The following TTN variants were observed in gnomAD, a reference collection of about 807,000 sequenced individuals.
The protein encoded by TTN is titin, also known as connectin.
Under a neutral mutation model 3,223.0 loss-of-function variants are expected in TTN, and 1,525 were observed. That is an observed-to-expected ratio of 0.47 (90% confidence interval 0.45 to 0.49). TTN has a LOEUF of 0.49. Among genes scored for constraint, TTN ranks in the 20% least tolerant of loss-of-function variants. The pLI, the probability that TTN is intolerant of heterozygous loss-of-function variation, is 0.00. For synonymous variants in TTN, 14,094 were observed against 15,161.0 expected (o/e 0.93, Z 5.17); for missense variants, 40,786 against 43,424.0 (o/e 0.94, Z 5.40).
Position 178,583,893 on chromosome 2 carries a change from T to C in TTN, c.65289A>G (p.Lys21763=), listed in dbSNP as rs1455504061. 2 of 1,579,794 alleles carry C rather than the reference T, an allele frequency of 1.3e-6. No homozygotes were observed. The highest frequency in any genetic ancestry group is 1.7e-6 in the Non-Finnish European group (2 of 1,159,250). Residue 21763 remains lysine (K), a synonymous_variant, in exon 312 of 363, where the codon AAA becomes AAG. Coordinates refer to ENST00000589042, the MANE Select transcript of TTN (RefSeq NM_001267550.2). ...TCTTGGTGACATCAATAACCTCAGG[T>C]TTCCCAGGAGGATCTAAAACAAAAA... ...TARMPVDPPG[K]PEVIDVTKST... is the part of the protein sequence containing the mutation.
chr2:178,563,566 T>A lies in TTN; in HGVS notation c.82566A>T (p.Lys27522Asn). 2 of 1,613,846 alleles carry A rather than the reference T, an allele frequency of 1.2e-6. No individual in the cohort carries two copies. Among genetic ancestry groups the A allele is most frequent in the Non-Finnish European group, 1.7e-6 (2 of 1,179,786 alleles). ...EGVRWTKCNKKTLTDLRLRVT... is the reference protein window; with the variant it reads ...EGVRWTKCNKNTLTDLRLRVT... ...CCCTGAGCCGCAGATCCGTTAATGT[T>A]TTCTTGTTGCACTTGGTCCATCTAA... The change falls in exon 326 of 363, where the codon AAA (lysine) becomes AAT (asparagine). Residue 27522 changes from lysine (K) to asparagine (N), a missense_variant. Coordinates refer to ENST00000589042, the MANE Select transcript of TTN (RefSeq NM_001267550.2). The surrounding 1 kb of genome is among the most constrained non-coding windows in gnomAD (Gnocchi z 4.5).
chr2:178,719,826 G>T lies in TTN; in HGVS notation c.23666C>A (p.Ala7889Glu). 3 of 1,603,174 alleles carry T rather than the reference G, an allele frequency of 1.9e-6. No homozygotes were observed. The highest frequency in any genetic ancestry group is 2.6e-6 in the Non-Finnish European group (3 of 1,173,780). ...GGGTTCGGGCTTCTCTATGATTCTT[G>T]CTGGTTCTAAAAGAAGAAGTATTTT... ...CSAVLTVLEP[A>E]RIIEKPEPMT... The change falls in exon 82 of 363, where the codon GCA becomes GAA. Residue 7889 changes from alanine to glutamate, a missense_variant. Coordinates refer to ENST00000589042, the MANE Select transcript of TTN (RefSeq NM_001267550.2).
At chr2:178,664,810 A>T in intron 166 of TTN, 42 bp downstream of exon 166, 1 of 1,609,948 alleles carries the variant, frequency 6.2e-7, no homozygotes, top group African/African-American at 1.3e-5. Context: ...TCTCAAAACT[A>T]CAAGAGCTAG....
chr2:178,688,255 G>A, intron 126 of TTN, 31 bp from the exon 127 acceptor site: 1 of 1,592,980 alleles, frequency 6.3e-7, no homozygotes, highest in African/African-American at 1.3e-5. Context: ...TTTAAATTCA[G>A]CCTGCTGAGA....
At position 178,569,780 on chromosome 2, in the gene TTN, T is replaced by C; in HGVS notation, c.76352A>G (p.Glu25451Gly). The C allele has an allele frequency of 6.2e-7, 1 of 1,613,298 alleles. No individual in the cohort carries two copies. Among genetic ancestry groups the C allele is most frequent in the Non-Finnish European group, 8.5e-7 (1 of 1,179,622 alleles). The change falls in exon 326 of 363, where the codon GAA becomes GGA. Residue 25451 changes from glutamate to glycine, a missense_variant. Transcript: ENST00000589042. ...IVEKCDVSVG[E>G]WTMCTPPTGI... ...TGTTGGTGGAGTGCACATTGTCCAT[T>C]CACCAACACTCACATCACATTTTTC... is the stretch of plus-strand genomic sequence containing the variant.
chr2:178,747,683 G>A (rs1190942809), intron 47 of TTN: 5 of 1,612,788 alleles, frequency 3.1e-6, no homozygotes, highest in African/African-American at 2.7e-5. Context: ...TAAATATTGT[G>A]TTAGGGAGGT....
At position 178,630,880 on chromosome 2, in the gene TTN, C is replaced by T. The variant is rs746380621; in HGVS notation, c.44078G>A (p.Arg14693His). Reference sequence around the variant, plus strand: ...ATCTTCAGAGATTTCGGTTTCAAAGCGTGCTGTCTCAGTCTCCATCACCTC... The same window carrying T: ...ATCTTCAGAGATTTCGGTTTCAAAGTGTGCTGTCTCAGTCTCCATCACCTC... The part of the protein sequence containing the change: ...SVEVMETETA[R>H]FETEISEDDI... The change falls in exon 238 of 363, where the codon CGC (arginine) becomes CAC (histidine). Residue 14693 changes from arginine to histidine, a missense_variant. Physicochemically the swap from Arg to His is conservative, Grantham distance 29. Transcript: ENST00000589042. The T allele has an allele frequency of 4.7e-5, 76 of 1,613,150 alleles. No homozygotes were observed. The highest frequency in any genetic ancestry group is 4.7e-4 in the East Asian group (21 of 44,756).
rs534091314 is a variant in TTN at position 178,646,610 on chromosome 2, A to G, written c.40223-51T>C. The G allele has an allele frequency of 3.9e-5, 43 of 1,091,712 alleles. No individual in the cohort carries two copies. In the African/African-American group the frequency reaches 5.6e-4, roughly 14 times the overall value. The allele number at this position is 1,091,712 out of a possible 1,614,324, so 67.6% of individuals were successfully genotyped here. ...TGAGGTTGCAATGTAAAGTTCTTCA[A>G]AAAGACTCATACAAATTTCACATTG... is the stretch of plus-strand genomic sequence containing the variant. On this transcript the variant is annotated intron_variant, in intron 215 of 362. Coordinates refer to ENST00000589042, the MANE Select transcript of TTN (RefSeq NM_001267550.2).
rs1335605022 is a variant in TTN, at chr2:178,717,505, G to T, written c.25351+18C>A. 7.6e-6 allele frequency: 12 copies of T among 1,585,028 alleles called. No homozygotes were observed. The highest frequency in any genetic ancestry group is 1.3e-5 in the African/African-American group (1 of 74,108). On this transcript the variant is annotated intron_variant, in intron 87 of 362. Transcript: ENST00000589042. The stretch of plus-strand genomic sequence containing the variant: ...GTGAAGCTGCTTTACAATGAAGAGG[G>T]TACTGTGAGTTACTCACCTGAGAGA...
rs201899491 is a variant in TTN, at chr2:178,749,159, G to A, written c.11311+3965C>T. On this transcript the variant is annotated intron_variant, in intron 47 of 362. Transcript: ENST00000589042. Reference sequence around the variant, plus strand: ...AATATTTGGTAAATAGTCACTTTGGGCACATTCTTGTACATTTTCCTTTTC... The same window carrying A: ...AATATTTGGTAAATAGTCACTTTGGACACATTCTTGTACATTTTCCTTTTC... 1.2e-6 allele frequency: 2 copies of A among 1,612,314 alleles called. No homozygotes were observed. The highest frequency in any genetic ancestry group is 1.1e-5 in the South Asian group (1 of 90,876).
At position 178,731,284 on chromosome 2, in the gene TTN, A is replaced by G. The variant is rs766498865; in HGVS notation, c.17461+21T>C. On this transcript the variant is annotated intron_variant, in intron 59 of 362. Transcript: ENST00000589042. ...CATCTGCATTTCTTCCTCAAACCCA[A>G]GGCAAACGTTCTGAACCAACCTTTT... is the stretch of plus-strand genomic sequence containing the variant. The G allele has an allele frequency of 1.9e-6, 3 of 1,612,194 alleles. No homozygotes were observed. The African/African-American group carries it at 4.0e-5, about 22-fold the overall frequency.
At chr2:178,637,187 A>ATCTATC (rs1356754460) in intron 224 of TTN, among the ~76,000 whole-genome samples, 182 bp downstream of exon 224, 24 of 125,304 alleles carry the variant, frequency 1.9e-4, no homozygotes, top group African/African-American at 6.1e-4. Flanking sequence ...ATATATATAT[A>ATCTATC]TATCTCCTTG....
In TTN at chr2:178,616,616, G is replaced by T; in HGVS notation, c.48175C>A (p.Pro16059Thr). The T allele has an allele frequency of 6.2e-7, 1 of 1,611,910 alleles. No homozygotes were observed. The highest frequency in any genetic ancestry group is 8.5e-7 in the Non-Finnish European group (1 of 1,178,906). Residue 16059 changes from proline to threonine, a missense_variant, in exon 257 of 363, where the codon CCC (proline) becomes ACC (threonine). Coordinates refer to ENST00000589042, the MANE Select transcript of TTN (RefSeq NM_001267550.2). ...ATATCACCAAATTTCAATTCTTTGG[G>T]TGCACTTGGGCGAGCTGAAAAAAAA... ...DVNVIARPSA[P>T]KELKFGDITK...
chr2:178,568,225 G>A lies in TTN; in HGVS notation c.77907C>T (p.Asn25969=), dbSNP rs375903820. The change falls in exon 326 of 363, where the codon AAC becomes AAT. Residue 25969 remains asparagine (N), a synonymous_variant. Coordinates refer to ENST00000589042, the MANE Select transcript of TTN (RefSeq NM_001267550.2). ...TEYQFRIFAE[N]RYGQSFALES... ...CTAAGGCAAAGCTTTGTCCATATCTGTTTTCGGCAAATATTCTAAATTGGT... is the reference window on the plus strand; with the variant it reads ...CTAAGGCAAAGCTTTGTCCATATCTATTTTCGGCAAATATTCTAAATTGGT... 49 of 1,613,322 alleles carry A rather than the reference G, an allele frequency of 3.0e-5. No homozygotes were observed. The Middle Eastern group carries it at 4.9e-4, about 16-fold the overall frequency.
In TTN at chr2:178,567,872, T is replaced by A. The variant is rs1462639599; in HGVS notation, c.78260A>T (p.Asp26087Val). The A allele has an allele frequency of 6.2e-7, 1 of 1,613,558 alleles. No homozygotes were observed. The highest frequency in any genetic ancestry group is 1.1e-5 in the South Asian group (1 of 91,080). ...SKNSECYVAR[D>V]PCDPPGTPEP... ...TGGGGTTCCTGGTGGGTCACAGGGATCTCTGGCTACATAGCATTCAGAATT... is the reference window on the plus strand; with the variant it reads ...TGGGGTTCCTGGTGGGTCACAGGGAACTCTGGCTACATAGCATTCAGAATT... The change falls in exon 326 of 363, where the codon GAT becomes GTT. Residue 26087 changes from aspartate to valine, a missense_variant. Transcript: ENST00000589042.
In TTN at chr2:178,546,467, C is replaced by T. The variant is rs1385680314; in HGVS notation, c.94864G>A (p.Gly31622Ser). The T allele has an allele frequency of 1.9e-6, 3 of 1,613,064 alleles. No individual in the cohort carries two copies. The highest frequency in any genetic ancestry group is 2.2e-5 in the East Asian group (1 of 44,816). ...CCTGCTCTGATGGTAACCAGATCAC[C>T]GTGTAATCGGGCATCCAGTTCGGCT... ...PKAELDARLH[G>S]DLVTIRAGSD... The change falls in exon 342 of 363, where the codon GGT (glycine) becomes AGT (serine). Residue 31622 changes from glycine to serine, a missense_variant. By Grantham distance (56) the Gly-to-Ser change is moderately conservative. Transcript: ENST00000589042.
Position 178,782,598 on chromosome 2 carries a change from T to C in TTN, c.3105A>G (p.Ser1035=). 6.2e-7 allele frequency: 1 copy of C among 1,613,976 alleles called. No homozygotes were observed. Among genetic ancestry groups the C allele is most frequent in the Non-Finnish European group, 8.5e-7 (1 of 1,179,940 alleles). The change falls in exon 19 of 363, where the codon TCA becomes TCG. Residue 1035 remains serine (S), a synonymous_variant. Coordinates refer to ENST00000589042, the MANE Select transcript of TTN (RefSeq NM_001267550.2). The part of the protein sequence containing the change: ...STSCYLAVQV[S]EEFEKETTAV... ...CTGTGGTTTCCTTTTCAAATTCTTCTGACACTAAAAGAAGACAAAAGTTTC... is the reference window on the plus strand; with the variant it reads ...CTGTGGTTTCCTTTTCAAATTCTTCCGACACTAAAAGAAGACAAAAGTTTC...
At chr2:178,758,863 T>G in intron 44 of TTN, 121 bp downstream of exon 44, 1 of 1,030,086 alleles carries the variant, frequency 9.7e-7, no homozygotes, top group Non-Finnish European at 1.5e-6. Context: ...AAATAATTAG[T>G]TGAATTAGAA....
At position 178,567,135 on chromosome 2, in the gene TTN, C is replaced by T; in HGVS notation, c.78997G>A (p.Ala26333Thr). 1.2e-6 allele frequency: 2 copies of T among 1,613,548 alleles called. No homozygotes were observed. Among genetic ancestry groups the T allele is most frequent in the Non-Finnish European group, 1.7e-6 (2 of 1,179,614 alleles). Residue 26333 changes from alanine (A) to threonine (T), a missense_variant, in exon 326 of 363, where the codon GCC (alanine) becomes ACC (threonine). By Grantham distance (58) the Ala-to-Thr change is moderately conservative. Transcript: ENST00000589042. ...VVEKRETSRL[A>T]WTVVASEVVT... ...ACTTCTGAAGCAACAACAGTCCAGG[C>T]AAGTCGACTGGTTTCTCGCTTTTCA...
Sources: gnomAD v4.1 joint callset for allele counts (sites outside exome capture counted in the v4.1 genomes callset) on GRCh38, gnomAD v4.1.1 for gene constraint, Gnocchi (gnomAD v3.1) non-coding constraint, MANE v1.5 for transcripts, NCBI Gene and HGNC (gene_info 2026-07-23, HGNC 2026-07-21) for gene names.